The following LHFPL3 variants were observed in gnomAD, a reference collection of about 807,000 sequenced individuals.
The protein encoded by LHFPL3 is LHFPL tetraspan subfamily member 3 protein.
In LHFPL3, 5 loss-of-function variants were observed where a neutral mutation model predicts 19.3. The observed-to-expected ratio is 0.26, with a 90% CI of 0.14 to 0.54. The LOEUF (loss-of-function observed/expected upper bound fraction) is 0.54. LHFPL3 is among the 20% of genes least tolerant of loss of function. The probability of loss-of-function intolerance (pLI) is 0.94; values close to 1 mark genes in which losing one functional copy is unlikely to be tolerated. For synonymous variants in LHFPL3, 133 were observed against 126.2 expected, an observed-to-expected ratio of 1.05 and a Z score of -0.36; for missense variants, 249 against 307.4, an observed-to-expected ratio of 0.81 and a Z score of 1.42.
chr7:104,365,881 G>C (rs1421195324), intron 1 of LHFPL3, among the ~76,000 whole-genome samples: 1 of 151,944 alleles, frequency 6.6e-6, no homozygotes, highest in African/African-American at 2.4e-5. Flanking sequence ...CTGAAGGGTA[G>C]AGAAAAGGTT....
intron 1 of LHFPL3, among the ~76,000 whole-genome samples, chr7:104,706,201 T>C (rs1400195328): frequency 6.6e-6 from 1 of 152,130 alleles, no homozygotes; most frequent in Non-Finnish European, 1.5e-5. Flanking sequence ...TAGCCACTCA[T>C]CATCATCTGA....
intron 2 of LHFPL3, among the ~76,000 whole-genome samples, chr7:104,813,684 G>T (rs1160663780): frequency 1.3e-5 from 2 of 152,236 alleles, no homozygotes; most frequent in Admixed American, 6.5e-5. Flanking sequence ...TTCCAGCACA[G>T]GTGCCAGCTT....
chr7:104,761,027 C>A (rs1794363450), intron 2 of LHFPL3, among the ~76,000 whole-genome samples: 1 of 151,794 alleles, frequency 6.6e-6, no homozygotes, highest in African/African-American at 2.4e-5. Context: ...AGGAGCAGGT[C>A]AAACTGATAT....
intron 1 of LHFPL3, among the ~76,000 whole-genome samples, chr7:104,641,802 A>G (rs534295831): frequency 2.0e-5 from 3 of 152,322 alleles, no homozygotes; most frequent in African/African-American, 7.2e-5. Flanking sequence ...CGGTTCTATC[A>G]GAACTTCATT....
intron 2 of LHFPL3, among the ~76,000 whole-genome samples, chr7:104,791,700 A>C (rs867230173): frequency 1.2e-4 from 19 of 152,352 alleles, no homozygotes; most frequent in African/African-American, 4.1e-4. Flanking sequence ...CCATTTCCAC[A>C]GATCAAAGAA....
chr7:104,579,408 C>T (rs544682021), intron 1 of LHFPL3, among the ~76,000 whole-genome samples: 3 of 152,228 alleles, frequency 2.0e-5, no homozygotes, highest in Middle Eastern at 3.4e-3. Context: ...TGAGAACATG[C>T]GGTATTGGGT....
intron 2 of LHFPL3, among the ~76,000 whole-genome samples, chr7:104,835,715 G>A (rs1394592278): frequency 7.5e-6 from 1 of 132,916 alleles, no homozygotes; most frequent in Non-Finnish European, 1.7e-5. Context: ...CACTTCACAT[G>A]ATGTATTTGA....
chr7:104,497,287 C>T (rs1444751247), intron 1 of LHFPL3, among the ~76,000 whole-genome samples: 2 of 133,694 alleles, frequency 1.5e-5, no homozygotes, highest in African/African-American at 2.8e-5. Flanking sequence ...ACTCCTGAAC[C>T]GAAAATAAAA....
At chr7:104,468,968 CCTTT>C (rs1251708289) in intron 1 of LHFPL3, among the ~76,000 whole-genome samples, 47 of 152,212 alleles carry the variant, frequency 3.1e-4, no homozygotes, top group African/African-American at 9.6e-4. Context: ...CTTGTGCAAA[CCTTT>C]CTTACCTTTA....
chr7:104,328,681 T>C lies in LHFPL3; in HGVS notation c.-99T>C. On this transcript the variant is annotated 5_prime_UTR_variant, in exon 1 of 3. Coordinates refer to ENST00000424859, the MANE Select transcript of LHFPL3 (RefSeq NM_199000.3). This position sits in a 1 kb window ranked among gnomAD's most constrained non-coding sequence, Gnocchi z 4.6. ...CTGGGCTGAGGCGGAGGCAGGGGAG[T>C]TGCAGCGCGCGAGGCTCCGTGAGTG... The C allele has an allele frequency of 9.5e-7, 1 of 1,047,790 alleles. No homozygotes were observed. Among genetic ancestry groups the C allele is most frequent in the Non-Finnish European group, 1.4e-6 (1 of 718,632 alleles). 64.9% of individuals were successfully genotyped at this position (1,047,790 alleles called of 1,614,324 possible).
intron 1 of LHFPL3, among the ~76,000 whole-genome samples, chr7:104,335,541 A>C (rs2106503): frequency 0.59 from 89,931 of 152,054 alleles, 27,856 homozygotes; most frequent in East Asian, 0.85. Flanking sequence ...AGATTTTAAG[A>C]AAACATCTGT....
intron 1 of LHFPL3, among the ~76,000 whole-genome samples, chr7:104,463,192 A>G (rs1171893192): frequency 6.6e-6 from 1 of 152,118 alleles, no homozygotes; most frequent in Non-Finnish European, 1.5e-5. Flanking sequence ...AAACTCTGTG[A>G]TTCATTGATC....
chr7:104,884,293 T>C (rs1792108344), intron 2 of LHFPL3, among the ~76,000 whole-genome samples: 1 of 152,104 alleles, frequency 6.6e-6, no homozygotes, highest in African/African-American at 2.4e-5. Flanking sequence ...TCGTTCTCTG[T>C]TTAGTTCAAA....
At chr7:104,774,918 G>C (rs1794615683) in intron 2 of LHFPL3, among the ~76,000 whole-genome samples, 1 of 152,088 alleles carries the variant, frequency 6.6e-6, no homozygotes, top group Non-Finnish European at 1.5e-5. Flanking sequence ...CACTTCTCCT[G>C]CCTCCTTGAT....
At chr7:104,673,722 C>A (rs528956992) in intron 1 of LHFPL3, among the ~76,000 whole-genome samples, 1 of 152,204 alleles carries the variant, frequency 6.6e-6, no homozygotes, top group South Asian at 2.1e-4. Context: ...GAAACATTGC[C>A]CATGGGATCT....
At chr7:104,796,331 A>C (rs1378932153) in intron 2 of LHFPL3, among the ~76,000 whole-genome samples, 16 of 152,144 alleles carry the variant, frequency 1.1e-4, no homozygotes, top group Non-Finnish European at 5.9e-5. Context: ...GTTTTTTAAG[A>C]AGCAGAGATA....
chr7:104,442,437 A>G (rs1320742478), intron 1 of LHFPL3, among the ~76,000 whole-genome samples: 1 of 152,194 alleles, frequency 6.6e-6, no homozygotes, highest in African/African-American at 2.4e-5. Context: ...TTATCTGTTT[A>G]ATTGAGCTAA....
At chr7:104,453,078 G>C (rs1037958366) in intron 1 of LHFPL3, among the ~76,000 whole-genome samples, 3 of 152,226 alleles carry the variant, frequency 2.0e-5, no homozygotes, top group Admixed American at 2.0e-4. Context: ...GTTACAATTT[G>C]TCTTAAAAAT....
At chr7:104,391,324 C>T (rs1174860226) in intron 1 of LHFPL3, among the ~76,000 whole-genome samples, 4 of 152,110 alleles carry the variant, frequency 2.6e-5, no homozygotes, top group East Asian at 3.8e-4. Context: ...TTAGGTCTAA[C>T]GTTTAAGTCT....
Sources: allele counts gnomAD v4.1 joint callset (sites outside exome capture counted in the v4.1 genomes callset), GRCh38; gene constraint gnomAD v4.1.1; non-coding constraint Gnocchi (gnomAD v3.1); transcripts MANE v1.5; gene names NCBI Gene and HGNC (gene_info 2026-07-23, HGNC 2026-07-21).